The following STARD13 variants were observed in gnomAD, a reference collection of about 807,000 sequenced individuals.
The protein encoded by STARD13 is StAR related lipid transfer domain containing 13.
Under a neutral mutation model 106.4 loss-of-function variants are expected in STARD13, and 62 were observed. That is an observed-to-expected ratio of 0.58 (90% CI 0.48 to 0.72). The LOEUF is 0.72. Ranked by LOEUF, STARD13 falls within the 30% of genes least tolerant of loss-of-function variation. The pLI, the probability that STARD13 is intolerant of heterozygous loss-of-function variation, is 0.00. For missense variants in STARD13, 1,387 were observed against 1,424.0 expected, an observed-to-expected ratio of 0.97 and a Z score of 0.42; for synonymous variants, 565 against 553.0, an observed-to-expected ratio of 1.02 and a Z score of -0.31.
the STARD13 span, among the ~76,000 whole-genome samples, chr13:33,580,877 A>T: frequency 6.6e-6 from 1 of 152,196 alleles, no homozygotes; most frequent in African/African-American, 2.4e-5. Context: ...AATACAAAAA[A>T]GTATCAAAAC....
At chr13:33,460,696 T>C in the STARD13 span, among the ~76,000 whole-genome samples, 1 of 150,132 alleles carries the variant, frequency 6.7e-6, no homozygotes, top group South Asian at 2.1e-4. Flanking sequence ...CTACATTTTT[T>C]TTCTAGATTT....
the STARD13 span, among the ~76,000 whole-genome samples, chr13:33,439,924 A>G: frequency 6.6e-6 from 1 of 152,200 alleles, no homozygotes; most frequent in Admixed American, 6.5e-5. Flanking sequence ...AGTCATCAAA[A>G]TACTCATTCA....
chr13:33,655,981 CA>C, the STARD13 span, among the ~76,000 whole-genome samples: 3 of 152,158 alleles, frequency 2.0e-5, no homozygotes, highest in Non-Finnish European at 2.9e-5. Flanking sequence ...ACAATGCCAC[CA>C]CTCTGGTCCA....
At chr13:33,648,832 C>A in the STARD13 span, among the ~76,000 whole-genome samples, 10 of 125,310 alleles carry the variant, frequency 8.0e-5, no homozygotes, top group African/African-American at 3.2e-4. Flanking sequence ...GCTCTTGTTG[C>A]CCAGGCTGGA....
chr13:33,265,437 T>C (rs1034807444), intron 1 of STARD13, among the ~76,000 whole-genome samples: 4 of 152,348 alleles, frequency 2.6e-5, no homozygotes, highest in Admixed American at 2.0e-4. Context: ...CATTTGTTTA[T>C]TGAGTTTCTT....
intron 1 of STARD13, among the ~76,000 whole-genome samples, chr13:33,239,090 C>T (rs907409220): frequency 6.6e-6 from 1 of 151,944 alleles, no homozygotes; most frequent in Non-Finnish European, 1.5e-5. Flanking sequence ...ATGAGTTTGA[C>T]TTCTTTGGAT....
intron 1 of STARD13, among the ~76,000 whole-genome samples, chr13:33,233,815 G>A (rs1366854487): frequency 6.6e-6 from 1 of 152,222 alleles, no homozygotes; most frequent in African/African-American, 2.4e-5. Flanking sequence ...TTCCCCTCAA[G>A]GTGACACACC....
intron 1 of STARD13, among the ~76,000 whole-genome samples, chr13:33,196,205 C>T (rs564181338): frequency 7.6e-4 from 116 of 152,076 alleles, no homozygotes; most frequent in African/African-American, 2.5e-3. Flanking sequence ...GCCAATATGG[C>T]GAAACCCCGA....
the STARD13 span, among the ~76,000 whole-genome samples, chr13:33,628,422 C>G: frequency 2.0e-5 from 3 of 152,082 alleles, no homozygotes; most frequent in Admixed American, 2.0e-4. Flanking sequence ...GGTATGTGTA[C>G]GAGTCAGAAT....
the STARD13 span, among the ~76,000 whole-genome samples, chr13:33,598,959 A>C: frequency 6.6e-6 from 1 of 152,178 alleles, no homozygotes; most frequent in African/African-American, 2.4e-5. Flanking sequence ...TCATTCCTTT[A>C]AAAGAAATAT....
the STARD13 span, among the ~76,000 whole-genome samples, chr13:33,610,440 G>A: frequency 4.6e-5 from 7 of 152,262 alleles, no homozygotes; most frequent in Non-Finnish European, 7.3e-5. Flanking sequence ...AAGGAGACAG[G>A]AGGAGAGAAG....
the STARD13 span, among the ~76,000 whole-genome samples, chr13:33,364,585 A>T: frequency 6.6e-6 from 1 of 152,282 alleles, no homozygotes; most frequent in Non-Finnish European, 1.5e-5. Context: ...AGGAGAATAG[A>T]ATAACGATTA....
intron 1 of STARD13, among the ~76,000 whole-genome samples, chr13:33,314,614 T>C (rs1453900561): frequency 6.6e-6 from 1 of 152,202 alleles, no homozygotes; most frequent in African/African-American, 2.4e-5. Context: ...GATAAGTGAA[T>C]GAAACCAATG....
At chr13:33,303,784 C>A (rs772541554) in intron 1 of STARD13, among the ~76,000 whole-genome samples, 19 of 152,142 alleles carry the variant, frequency 1.2e-4, no homozygotes, top group Non-Finnish European at 2.6e-4. Context: ...CTTATAGACA[C>A]CTTCTGTAGT....
At chr13:33,288,994 G>A (rs189872857), upstream of STARD13, among the ~76,000 whole-genome samples, 1 of 152,292 alleles carries the variant, frequency 6.6e-6, no homozygotes, top group Admixed American at 6.5e-5. Flanking sequence ...GGGGTAGACA[G>A]GTCTGTTGTA....
the STARD13 span, among the ~76,000 whole-genome samples, chr13:33,421,019 A>G: frequency 1.4e-3 from 208 of 152,370 alleles, 1 homozygote; most frequent in Admixed American, 3.7e-3. Flanking sequence ...TAAAATCGAC[A>G]TGCTAACAAC....
At chr13:33,551,568 C>CTTTT in the STARD13 span, among the ~76,000 whole-genome samples, 17 of 44,794 alleles carry the variant, frequency 3.8e-4, 8 homozygotes, top group Admixed American at 1.0e-3. Flanking sequence ...TTTGCTTTTC[C>CTTTT]CTTTTTTTTT....
chr13:33,544,758 G>A, the STARD13 span, among the ~76,000 whole-genome samples: 8 of 143,410 alleles, frequency 5.6e-5, no homozygotes, highest in African/African-American at 2.0e-4. Context: ...TTGTTTTTTT[G>A]TTGTTTTTTC....
the STARD13 span, among the ~76,000 whole-genome samples, chr13:33,657,245 G>A: frequency 6.6e-6 from 1 of 152,016 alleles, no homozygotes; most frequent in African/African-American, 2.4e-5. Flanking sequence ...ACTCCAGCCT[G>A]GGAGACAGTG....
Sources: allele counts gnomAD v4.1 joint callset (sites outside exome capture counted in the v4.1 genomes callset), GRCh38; gene constraint gnomAD v4.1.1; transcripts MANE v1.5; gene names NCBI Gene and HGNC (gene_info 2026-07-23, HGNC 2026-07-21).